Variants in MAP4K3 observed in about 807,000 individuals in gnomAD.
The protein encoded by MAP4K3 is mitogen-activated protein kinase kinase kinase kinase 3, also known as MAPK/ERK kinase kinase kinase 3.
In MAP4K3, 94 loss-of-function variants were observed where a neutral mutation model predicts 143.5. That is an observed-to-expected ratio of 0.65 (90% CI 0.55 to 0.78). MAP4K3 has a LOEUF of 0.78. Ranked by LOEUF, MAP4K3 falls within the 30% of genes least tolerant of loss-of-function variation. The pLI is 0.00. For missense variants in MAP4K3, 1,077 were observed against 1,068.1 expected (o/e 1.01, Z -0.12); for synonymous variants, 416 against 347.2 (o/e 1.20, Z -2.20).
intron 1 of MAP4K3, among the ~76,000 whole-genome samples, chr2:39,422,456 G>A (rs1453870065): frequency 1.3e-5 from 2 of 152,062 alleles, no homozygotes; most frequent in Non-Finnish European, 2.9e-5. Context: ...AAAGAGTGAG[G>A]CCTCAGAAGA....
At chr2:39,266,907 T>TAA (rs35049893) in intron 27 of MAP4K3, among the ~76,000 whole-genome samples, 1,613 of 147,294 alleles carry the variant, frequency 0.011, 19 homozygotes, top group Non-Finnish European at 0.016. Context: ...TAAAATGTGG[T>TAA]AAAAAAAAAA....
chr2:39,268,378 GGGTGTGATCT>G (rs1680860375), intron 26 of MAP4K3, among the ~76,000 whole-genome samples: 1 of 140,830 alleles, frequency 7.1e-6, no homozygotes, highest in Non-Finnish European at 1.6e-5. Flanking sequence ...TGGAGTGCAA[GGGTGTGATCT>G]TGGCTCACTG....
At chr2:39,412,906 C>T (rs1340022955) in intron 1 of MAP4K3, among the ~76,000 whole-genome samples, 1 of 151,988 alleles carries the variant, frequency 6.6e-6, no homozygotes, top group Admixed American at 6.6e-5. Flanking sequence ...AAGTTCCTAA[C>T]TACTTGGTCA....
intron 31 of MAP4K3, among the ~76,000 whole-genome samples, chr2:39,255,063 C>G (rs1211870773): frequency 6.6e-6 from 1 of 152,054 alleles, no homozygotes; most frequent in East Asian, 1.9e-4. Flanking sequence ...TTCCTTCCTC[C>G]CTGAGATAAC....
At chr2:39,319,426 T>A (rs997137662) in intron 12 of MAP4K3, among the ~76,000 whole-genome samples, 20 of 152,178 alleles carry the variant, frequency 1.3e-4, no homozygotes, top group Non-Finnish European at 2.5e-4. Context: ...AAAACCCATG[T>A]ATACGGAGGA....
At chr2:39,282,373 C>A in intron 22 of MAP4K3, 140 bp downstream of exon 22, 2 of 701,660 alleles carry the variant, frequency 2.9e-6, no homozygotes, top group East Asian at 2.8e-5. Flanking sequence ...TGACACATGC[C>A]TGTAATTAAA....
At chr2:39,344,476 G>C (rs1038694071) in intron 3 of MAP4K3, among the ~76,000 whole-genome samples, 5 of 152,206 alleles carry the variant, frequency 3.3e-5, no homozygotes, top group African/African-American at 1.2e-4. Flanking sequence ...CCAATAAATA[G>C]TTTCATTGGA....
intron 1 of MAP4K3, among the ~76,000 whole-genome samples, chr2:39,392,742 T>C (rs551139053): frequency 2.1e-3 from 321 of 152,182 alleles, no homozygotes; most frequent in African/African-American, 7.1e-3. Context: ...AGGAAGTAGG[T>C]TGTTTATCTT....
intron 15 of MAP4K3, among the ~76,000 whole-genome samples, chr2:39,306,082 C>A (rs1317590126): frequency 6.6e-6 from 1 of 152,190 alleles, no homozygotes; most frequent in Admixed American, 6.5e-5. Context: ...CCCGCCTTGG[C>A]CTCCCAAACT....
chr2:39,371,133 G>A (rs1026692240), intron 2 of MAP4K3, among the ~76,000 whole-genome samples: 2 of 152,110 alleles, frequency 1.3e-5, no homozygotes, highest in African/African-American at 4.8e-5. Context: ...CCATTGCAAT[G>A]AGGAAAACTA....
chr2:39,402,206 T>G (rs1666970500), intron 1 of MAP4K3, among the ~76,000 whole-genome samples: 1 of 152,190 alleles, frequency 6.6e-6, no homozygotes, highest in Non-Finnish European at 1.5e-5. Context: ...CAGAAAAGAT[T>G]AGTGAACTTG....
rs888812309 is a variant in MAP4K3 at position 39,249,978 on chromosome 2, A to C, written c.*640T>G. ...TACATTTGTGGAGCCAAATGCTTAT[A>C]GACAATGTCACAGCTTACTTTTGTG... On this transcript the variant is annotated 3_prime_UTR_variant, in exon 34 of 34. Transcript: ENST00000263881. 1 of 152,334 alleles carries C rather than the reference A, an allele frequency of 6.6e-6. No individual in the cohort carries two copies. Among genetic ancestry groups the C allele is most frequent in the African/African-American group, 2.4e-5 (1 of 41,470 alleles). The allele number at this position is 152,334 out of a possible 1,614,324, so 9.4% of individuals were successfully genotyped here.
chr2:39,277,291 T>C (rs1156672672), intron 24 of MAP4K3, among the ~76,000 whole-genome samples: 1 of 152,226 alleles, frequency 6.6e-6, no homozygotes, highest in Non-Finnish European at 1.5e-5. Flanking sequence ...TTCACATCTC[T>C]ATGCCATCAT....
intron 21 of MAP4K3, among the ~76,000 whole-genome samples, chr2:39,285,271 T>C (rs931527231): frequency 6.6e-6 from 1 of 152,192 alleles, no homozygotes; most frequent in African/African-American, 2.4e-5. Context: ...CATGGACATA[T>C]TTATTTCAGA....
At chr2:39,372,131 T>C (rs1666099472) in intron 2 of MAP4K3, among the ~76,000 whole-genome samples, 1 of 151,764 alleles carries the variant, frequency 6.6e-6, no homozygotes, top group Non-Finnish European at 1.5e-5. Flanking sequence ...ATCATTTTTG[T>C]ATGCCAAAAG....
chr2:39,349,415 TACCTAATA>T, intron 3 of MAP4K3, among the ~76,000 whole-genome samples: 1 of 152,304 alleles, frequency 6.6e-6, no homozygotes, highest in African/African-American at 2.4e-5. Context: ...TCTATAATTA[TACCTAATA>T]ATCCCCCAGT....
Position 39,322,903 on chromosome 2 carries a change from C to G in MAP4K3, c.918+2615G>C, listed in dbSNP as rs572899391. 9.3e-4 allele frequency among the ~76,000 whole-genome samples: 141 copies of G among 152,166 alleles called. 1 individual carries two copies. Among genetic ancestry groups the G allele is most frequent in the African/African-American group, 3.0e-3 (126 of 41,530 alleles). ...CAAGCTGGTCCCAAACTCCTGACCTCAGGTGATCCACCTGCCTCGGTCTTC... is the reference window on the plus strand; with the variant it reads ...CAAGCTGGTCCCAAACTCCTGACCTGAGGTGATCCACCTGCCTCGGTCTTC... On this transcript the variant is annotated intron_variant, in intron 12 of 33. Transcript: ENST00000263881.
chr2:39,365,809 C>G (rs1308662805), intron 2 of MAP4K3, among the ~76,000 whole-genome samples: 1 of 152,160 alleles, frequency 6.6e-6, no homozygotes, highest in Non-Finnish European at 1.5e-5. Context: ...GAAAAATCAA[C>G]AAGGTTTCTC....
chr2:39,410,484 T>C (rs751911848), intron 1 of MAP4K3, among the ~76,000 whole-genome samples: 3 of 152,182 alleles, frequency 2.0e-5, no homozygotes, highest in East Asian at 1.9e-4. Flanking sequence ...GCTAATACAT[T>C]ATAATAACAA....
Sources: gnomAD v4.1 joint callset for allele counts (sites outside exome capture counted in the v4.1 genomes callset) on GRCh38, gnomAD v4.1.1 for gene constraint, MANE v1.5 for transcripts, NCBI Gene and HGNC (gene_info 2026-07-23, HGNC 2026-07-21) for gene names.